The following JAZF1 variants were observed in gnomAD, a reference collection of about 807,000 sequenced individuals.
JAZF1 encodes JAZF zinc finger 1, also known as juxtaposed with another zinc finger protein 1.
A neutral mutation model predicts 26.4 loss-of-function variants in JAZF1; 8 were observed. The observed-to-expected ratio is 0.30, with a 90% CI of 0.18 to 0.55. The LOEUF is 0.55. Among genes scored for constraint, JAZF1 ranks in the 20% least tolerant of loss-of-function variants. The pLI is 0.94. For missense variants in JAZF1, 199 were observed against 322.0 expected, an observed-to-expected ratio of 0.62 and a Z score of 2.92; for synonymous variants, 126 against 122.3, an observed-to-expected ratio of 1.03 and a Z score of -0.20.
chr7:28,081,322 G>A (rs554135488), intron 1 of JAZF1, among the ~76,000 whole-genome samples: 4 of 152,148 alleles, frequency 2.6e-5, no homozygotes, highest in South Asian at 2.1e-4. Flanking sequence ...TGACCAGCTC[G>A]GAGGAACCAA....
chr7:28,024,487 T>C (rs888339073), intron 1 of JAZF1, among the ~76,000 whole-genome samples: 2 of 152,186 alleles, frequency 1.3e-5, no homozygotes, highest in East Asian at 3.8e-4. Context: ...TGGGCATGTG[T>C]GTATACACAC....
chr7:28,129,846 C>T lies in JAZF1; in HGVS notation c.115+50617G>A, dbSNP rs10236281. ...TTCCCAGATAACGTGCTGGCTGTTT[C>T]CAAATACATTTTTTTTTAATAGTGG... On this transcript the variant is annotated intron_variant, in intron 1 of 4. Coordinates refer to ENST00000283928, the MANE Select transcript of JAZF1 (RefSeq NM_175061.4). Among the ~76,000 whole-genome samples the T allele has an allele frequency of 8.6e-3, 1,307 of 152,074 alleles. 13 individuals carry two copies. The highest frequency in any genetic ancestry group is 0.029 in the African/African-American group (1,221 of 41,474).
At chr7:28,007,255 G>T (rs1782719338) in intron 1 of JAZF1, among the ~76,000 whole-genome samples, 1 of 152,180 alleles carries the variant, frequency 6.6e-6, no homozygotes, top group South Asian at 2.1e-4. Context: ...ATCACCTGAG[G>T]TTAGGAGTTC....
chr7:27,996,628 T>G (rs991093946), intron 1 of JAZF1, among the ~76,000 whole-genome samples: 1 of 152,176 alleles, frequency 6.6e-6, no homozygotes, highest in African/African-American at 2.4e-5. Context: ...AGTTGTAGAC[T>G]TTGTTCAGCA....
At chr7:27,979,782 T>C (rs145159701) in intron 2 of JAZF1, among the ~76,000 whole-genome samples, 1 of 152,278 alleles carries the variant, frequency 6.6e-6, no homozygotes, top group African/African-American at 2.4e-5. Flanking sequence ...AATAATTTCC[T>C]GGGTGCTATG....
chr7:27,954,427 A>G (rs890506222), intron 2 of JAZF1, among the ~76,000 whole-genome samples: 6 of 152,144 alleles, frequency 3.9e-5, no homozygotes, highest in Admixed American at 1.3e-4. Flanking sequence ...GTTTGGGAAC[A>G]CTAATTTAGG....
chr7:27,970,353 AC>A (rs1414194153), intron 2 of JAZF1, among the ~76,000 whole-genome samples: 2 of 152,182 alleles, frequency 1.3e-5, no homozygotes, highest in African/African-American at 4.8e-5. Context: ...CTGTGATGAC[AC>A]CTTACTCGGG....
chr7:28,134,746 AAGAG>A (rs1174304617), intron 1 of JAZF1, among the ~76,000 whole-genome samples: 12 of 152,192 alleles, frequency 7.9e-5, no homozygotes. Flanking sequence ...ATGATATAAG[AAGAG>A]AGAATTGAAA....
intron 1 of JAZF1, among the ~76,000 whole-genome samples, chr7:28,041,872 G>C (rs1346334377): frequency 6.6e-6 from 1 of 152,138 alleles, no homozygotes; most frequent in Non-Finnish European, 1.5e-5. Context: ...TTCCACAACT[G>C]TTTGACTTTC....
In JAZF1 at chr7:27,831,882, G is replaced by A. The variant is rs1396442652; in HGVS notation, c.*918C>T. Reference sequence around the variant, plus strand: ...TGTTGGCAATAGAGAACTACAAAGTGCTTTAAAACTTCATCTGAAGATGAA... The same window carrying A: ...TGTTGGCAATAGAGAACTACAAAGTACTTTAAAACTTCATCTGAAGATGAA... On this transcript the variant is annotated 3_prime_UTR_variant, in exon 5 of 5. Coordinates refer to ENST00000283928, the MANE Select transcript of JAZF1 (RefSeq NM_175061.4). The A allele has an allele frequency of 4.6e-6, 1 of 218,272 alleles. No homozygotes were observed. The highest frequency in any genetic ancestry group is 9.2e-6 in the Non-Finnish European group (1 of 108,574). 13.5% of individuals were successfully genotyped at this position (218,272 alleles called of 1,614,324 possible). A position where few individuals can be genotyped will look rare whatever the true frequency, so the allele number is the denominator to read the frequency against.
At chr7:27,884,222 C>A (rs1783821427) in intron 3 of JAZF1, among the ~76,000 whole-genome samples, 1 of 152,180 alleles carries the variant, frequency 6.6e-6, no homozygotes, top group Non-Finnish European at 1.5e-5. Context: ...GCTGCGACCT[C>A]CTGGACTCAA....
intron 1 of JAZF1, among the ~76,000 whole-genome samples, chr7:28,007,366 C>G (rs116720015): frequency 3.3e-5 from 5 of 151,970 alleles, no homozygotes; most frequent in Admixed American, 3.3e-4. Flanking sequence ...GTAGGGAGTT[C>G]GAGATCAATC....
At chr7:28,121,246 A>T (rs1214115641) in intron 1 of JAZF1, among the ~76,000 whole-genome samples, 1 of 151,768 alleles carries the variant, frequency 6.6e-6, no homozygotes, top group Admixed American at 6.6e-5. Context: ...GTGCCATATC[A>T]ATGCTTTACC....
intron 2 of JAZF1, among the ~76,000 whole-genome samples, chr7:27,923,297 G>A (rs866807916): frequency 6.6e-6 from 1 of 152,160 alleles, no homozygotes; most frequent in Admixed American, 6.5e-5. Flanking sequence ...TCTTCCAAAC[G>A]AAAACCCGAA....
intron 1 of JAZF1, among the ~76,000 whole-genome samples, chr7:28,049,940 A>G (rs923593057): frequency 6.6e-6 from 1 of 152,074 alleles, no homozygotes; most frequent in Admixed American, 6.6e-5. Flanking sequence ...TCACATCGGC[A>G]TGATTGATTA....
intron 1 of JAZF1, among the ~76,000 whole-genome samples, chr7:28,122,795 A>C (rs1392410663): frequency 6.6e-6 from 1 of 152,156 alleles, no homozygotes; most frequent in Non-Finnish European, 1.5e-5. Flanking sequence ...TTATAGGGAG[A>C]TACATCCCAA....
intron 1 of JAZF1, among the ~76,000 whole-genome samples, chr7:28,110,498 GAAAGGAAAAGGAAAGGA>G (rs1562590892): frequency 1.1e-3 from 40 of 37,700 alleles, no homozygotes; most frequent in East Asian, 4.3e-3. Flanking sequence ...GAAAGGAAAG[GAAAGGAAAAGGAAAGGA>G]AAAGGAAAAG....
At chr7:27,855,982 G>C (rs560728460) in intron 3 of JAZF1, among the ~76,000 whole-genome samples, 1 of 152,156 alleles carries the variant, frequency 6.6e-6, no homozygotes, top group African/African-American at 2.4e-5. Flanking sequence ...CTGGCAAACC[G>C]AATCCAGCAG....
At chr7:27,912,612 T>C (rs1327001925) in intron 2 of JAZF1, among the ~76,000 whole-genome samples, 2 of 152,122 alleles carry the variant, frequency 1.3e-5, no homozygotes, top group Non-Finnish European at 2.9e-5. Context: ...AATGGGCTGT[T>C]AAGATTAAGG....
Sources: gnomAD v4.1 joint callset for allele counts (sites outside exome capture counted in the v4.1 genomes callset) on GRCh38, gnomAD v4.1.1 for gene constraint, MANE v1.5 for transcripts, NCBI Gene and HGNC (gene_info 2026-07-23, HGNC 2026-07-21) for gene names.